The following TAFA2 variants were observed in gnomAD, a reference collection of about 807,000 sequenced individuals.
TAFA2 encodes the protein TAFA chemokine like family member 2, also known as chemokine-like protein TAFA-2.
In TAFA2, 7 loss-of-function variants were observed where a neutral mutation model predicts 18.8. The observed-to-expected ratio is 0.37, with a 90% CI of 0.21 to 0.70. TAFA2 has a LOEUF of 0.70. Among genes scored for constraint, TAFA2 ranks in the 30% least tolerant of loss-of-function variants. The pLI, the probability that TAFA2 is intolerant of heterozygous loss-of-function variation, is 0.53. For missense variants in TAFA2, 122 were observed against 158.1 expected, an observed-to-expected ratio of 0.77 and a Z score of 1.23; for synonymous variants, 60 against 54.2, an observed-to-expected ratio of 1.11 and a Z score of -0.47.
intron 4 of TAFA2, among the ~76,000 whole-genome samples, chr12:61,719,551 C>G (rs1309805515): frequency 6.6e-6 from 1 of 152,162 alleles, no homozygotes; most frequent in Non-Finnish European, 1.5e-5. Context: ...CTAGCCACTC[C>G]TAGCCCTTCC....
At chr12:61,821,547 C>G (rs1486258727) in intron 2 of TAFA2, among the ~76,000 whole-genome samples, 3 of 152,044 alleles carry the variant, frequency 2.0e-5, no homozygotes, top group Non-Finnish European at 4.4e-5. Flanking sequence ...AAGAGACAGA[C>G]AGACCCTTAG....
At chr12:62,175,046 G>T (rs892742295) in intron 1 of TAFA2, among the ~76,000 whole-genome samples, 60 of 152,254 alleles carry the variant, frequency 3.9e-4, no homozygotes, top group Admixed American at 1.3e-4. Flanking sequence ...TAAGTGTATT[G>T]ATGAGCAGGG....
chr12:62,108,742 G>A (rs898065531), intron 1 of TAFA2, among the ~76,000 whole-genome samples: 4 of 152,164 alleles, frequency 2.6e-5, no homozygotes, highest in African/African-American at 7.2e-5. Context: ...GACCAGTGAT[G>A]GTGAGTTTTT....
At chr12:61,973,978 C>T (rs1343743204) in intron 1 of TAFA2, among the ~76,000 whole-genome samples, 2 of 151,510 alleles carry the variant, frequency 1.3e-5, no homozygotes, top group Non-Finnish European at 3.0e-5. Flanking sequence ...AATAAAAATT[C>T]TTATTAAAAC....
At chr12:61,831,123 A>G (rs1872705370) in intron 2 of TAFA2, among the ~76,000 whole-genome samples, 1 of 152,104 alleles carries the variant, frequency 6.6e-6, no homozygotes, top group Admixed American at 6.6e-5. Context: ...TGTCATGGAT[A>G]GTAACATCTA....
chr12:62,134,655 T>A (rs1319365426), intron 1 of TAFA2, among the ~76,000 whole-genome samples: 2 of 152,110 alleles, frequency 1.3e-5, no homozygotes, highest in African/African-American at 4.8e-5. Flanking sequence ...TCCTTGTTCA[T>A]CTAGTGTCTC....
chr12:62,234,576 G>T, intron 1 of TAFA2: 1 of 831,428 alleles, frequency 1.2e-6, no homozygotes. Flanking sequence ...TAGAACGGAA[G>T]AAAGACCATA....
intron 2 of TAFA2, among the ~76,000 whole-genome samples, chr12:61,859,433 A>ATTTTGT (rs71450565): frequency 0.059 from 8,920 of 151,342 alleles, 866 homozygotes; most frequent in African/African-American, 0.2. Context: ...ACAAAGCAAT[A>ATTTTGT]TTTTGTTTTT....
intron 1 of TAFA2, among the ~76,000 whole-genome samples, chr12:62,003,598 G>A (rs1173509861): frequency 2.0e-5 from 3 of 152,038 alleles, no homozygotes; most frequent in Non-Finnish European, 4.4e-5. Flanking sequence ...TTCATATCCT[G>A]CTCTATTTTT....
At chr12:61,829,116 T>C (rs558832040) in intron 2 of TAFA2, among the ~76,000 whole-genome samples, 1 of 151,912 alleles carries the variant, frequency 6.6e-6, no homozygotes, top group South Asian at 2.1e-4. Context: ...TATTTAAAAC[T>C]ACAAAAGTCT....
At chr12:61,714,884 G>A (rs560966426) in intron 4 of TAFA2, among the ~76,000 whole-genome samples, 24 of 152,348 alleles carry the variant, frequency 1.6e-4, no homozygotes, top group Non-Finnish European at 3.4e-4. Flanking sequence ...ATATTATGGT[G>A]AGAGGCATAA....
At chr12:61,852,586 G>A (rs1873720297) in intron 2 of TAFA2, among the ~76,000 whole-genome samples, 1 of 152,160 alleles carries the variant, frequency 6.6e-6, no homozygotes, top group Non-Finnish European at 1.5e-5. Flanking sequence ...AAAATTAAAT[G>A]CACATGTTTG....
At chr12:61,728,732 T>C (rs1870295522) in intron 4 of TAFA2, among the ~76,000 whole-genome samples, 1 of 152,036 alleles carries the variant, frequency 6.6e-6, no homozygotes, top group Non-Finnish European at 1.5e-5. Flanking sequence ...CCATATACAT[T>C]CAATGCGAAT....
At chr12:62,134,591 T>G (rs922410417) in intron 1 of TAFA2, among the ~76,000 whole-genome samples, 2 of 152,036 alleles carry the variant, frequency 1.3e-5, no homozygotes, top group African/African-American at 4.8e-5. Context: ...GAAAGACAAC[T>G]GATAGATATC....
upstream of TAFA2, among the ~76,000 whole-genome samples, chr12:62,196,737 A>G (rs1214152976): frequency 6.6e-6 from 1 of 152,180 alleles, no homozygotes; most frequent in Non-Finnish European, 1.5e-5. Flanking sequence ...ATAATACAAA[A>G]AGTCTGAAAT....
intron 1 of TAFA2, among the ~76,000 whole-genome samples, chr12:61,989,916 T>C (rs1274911140): frequency 6.6e-6 from 1 of 152,164 alleles, no homozygotes; most frequent in Non-Finnish European, 1.5e-5. Context: ...AGAGTCATCT[T>C]TTCTTCATCC....
chr12:61,991,748 T>C (rs73312214), intron 1 of TAFA2, among the ~76,000 whole-genome samples: 2,721 of 152,304 alleles, frequency 0.018, 98 homozygotes, highest in African/African-American at 0.062. Context: ...TTATTCTCTC[T>C]TGAACTTTCT....
intron 1 of TAFA2, among the ~76,000 whole-genome samples, chr12:62,207,743 C>G (rs901742511): frequency 1.4e-4 from 21 of 152,124 alleles, no homozygotes; most frequent in African/African-American, 4.6e-4. Context: ...AAAATAAGCC[C>G]TAGACTCCAG....
intron 1 of TAFA2, among the ~76,000 whole-genome samples, chr12:62,037,394 T>A (rs1388215960): frequency 6.6e-6 from 1 of 152,234 alleles, no homozygotes; most frequent in East Asian, 1.9e-4. Flanking sequence ...CTTCAACAGC[T>A]AACACTGTGA....
Sources: allele counts gnomAD v4.1 joint callset (sites outside exome capture counted in the v4.1 genomes callset), GRCh38; gene constraint gnomAD v4.1.1; transcripts MANE v1.5; gene names NCBI Gene and HGNC (gene_info 2026-07-23, HGNC 2026-07-21).